The following CAPZA1 variants were observed in gnomAD, a reference collection of about 807,000 sequenced individuals.
The protein encoded by CAPZA1 is capping actin protein of muscle Z-line subunit alpha 1, also known as F-actin-capping protein subunit alpha-1.
In CAPZA1, 10 loss-of-function variants were observed where a neutral mutation model predicts 40.8. The ratio of observed to expected loss-of-function variants is 0.25; its 90% CI spans 0.15 to 0.42. The LOEUF is 0.42. Among genes scored for constraint, CAPZA1 ranks in the 10% least tolerant of loss-of-function variants. The probability of loss-of-function intolerance (pLI) is 1.00; values close to 1 mark genes in which losing one functional copy is unlikely to be tolerated. For missense variants in CAPZA1, 277 were observed against 353.8 expected (o/e 0.78, Z 1.74); for synonymous variants, 98 against 115.0 (o/e 0.85, Z 0.95).
chr1:112,650,220 A>G (rs964503489), intron 3 of CAPZA1, among the ~76,000 whole-genome samples: 2 of 152,230 alleles, frequency 1.3e-5, no homozygotes, highest in Admixed American at 1.3e-4. Flanking sequence ...ACAAATAATT[A>G]TCATAAAGTC....
Position 112,659,057 on chromosome 1 carries a change from T to C in CAPZA1, c.462T>C (p.Ile154=), listed in dbSNP as rs370235693. The C allele has an allele frequency of 6.0e-5, 97 of 1,613,686 alleles. No individual in the cohort carries two copies. The highest frequency in any genetic ancestry group is 7.7e-5 in the Non-Finnish European group (91 of 1,179,700). The change falls in exon 6 of 10, where the codon ATT becomes ATC. Residue 154 remains isoleucine, a synonymous_variant. Transcript: ENST00000263168. The stretch of plus-strand genomic sequence containing the variant: ...AAACTATCGATGGGCAACAGACTAT[T>C]ATTGCATGTATTGAAAGCCACCAGT... ...YAKTIDGQQT[I]IACIESHQFQ...
At chr1:112,638,957 GAT>G (rs1331018509) in intron 1 of CAPZA1, among the ~76,000 whole-genome samples, 1 of 127,034 alleles carries the variant, frequency 7.9e-6, no homozygotes, top group Non-Finnish European at 1.5e-5. Context: ...TAGAGATAGA[GAT>G]ATATATAGAG....
At chr1:112,641,221 AAAAAAAAAT>A (rs1015202134) in intron 1 of CAPZA1, among the ~76,000 whole-genome samples, 6 of 150,424 alleles carry the variant, frequency 4.0e-5, no homozygotes, top group Non-Finnish European at 7.4e-5. Context: ...TGATCAATAA[AAAAAAAAAT>A]AAATAAATAA....
chr1:112,667,013 C>A, intron 7 of CAPZA1, 61 bp from the exon 8 acceptor site: 1 of 1,168,134 alleles, frequency 8.6e-7, no homozygotes, highest in South Asian at 1.3e-5. Context: ...GGATTTGTGT[C>A]CTAAATAACA....
At chr1:112,629,498 A>G (rs550579737) in intron 1 of CAPZA1, among the ~76,000 whole-genome samples, 1 of 152,324 alleles carries the variant, frequency 6.6e-6, no homozygotes, top group Non-Finnish European at 1.5e-5. Context: ...CCTAAAACAT[A>G]GTGGGTCTTC....
chr1:112,665,615 G>A (rs958685996), intron 7 of CAPZA1, among the ~76,000 whole-genome samples: 4 of 152,158 alleles, frequency 2.6e-5, no homozygotes, highest in African/African-American at 9.7e-5. Flanking sequence ...TGACTGGTGA[G>A]TTCTGTTTCT....
intron 1 of CAPZA1, among the ~76,000 whole-genome samples, chr1:112,641,535 C>T (rs1192715797): frequency 6.6e-6 from 1 of 152,064 alleles, no homozygotes; most frequent in Non-Finnish European, 1.5e-5. Flanking sequence ...ACTGTCAGGA[C>T]CCCTTTACAT....
chr1:112,643,257 T>G (rs888467146), intron 1 of CAPZA1, among the ~76,000 whole-genome samples: 4 of 152,240 alleles, frequency 2.6e-5, no homozygotes, highest in Non-Finnish European at 5.9e-5. Flanking sequence ...ATAATTTTCA[T>G]GAGTTGAGCA....
intron 1 of CAPZA1, among the ~76,000 whole-genome samples, chr1:112,646,961 T>C (rs1023948577): frequency 6.6e-6 from 1 of 152,296 alleles, no homozygotes; most frequent in African/African-American, 2.4e-5. Flanking sequence ...AAAACTATTA[T>C]CCTGTTTTTG....
chr1:112,624,014 A>AC (rs1393549619), intron 1 of CAPZA1, among the ~76,000 whole-genome samples: 1 of 145,334 alleles, frequency 6.9e-6, no homozygotes, highest in East Asian at 1.9e-4. Flanking sequence ...TCAAAAAAAA[A>AC]AAAAAAGAAA....
chr1:112,640,096 G>A (rs1671115367), intron 1 of CAPZA1, among the ~76,000 whole-genome samples: 1 of 123,904 alleles, frequency 8.1e-6, no homozygotes, highest in Non-Finnish European at 1.7e-5. Flanking sequence ...TGGGAAGTGA[G>A]GAGCCCCTCT....
chr1:112,625,302 A>C (rs1455959077), intron 1 of CAPZA1, among the ~76,000 whole-genome samples: 1 of 152,144 alleles, frequency 6.6e-6, no homozygotes, highest in African/African-American at 2.4e-5. Context: ...ATGATGGTGT[A>C]TATATATACT....
intron 2 of CAPZA1, among the ~76,000 whole-genome samples, chr1:112,648,232 G>C (rs540006435): frequency 2.0e-5 from 3 of 151,704 alleles, no homozygotes; most frequent in East Asian, 3.9e-4. Flanking sequence ...AAAATTGTTT[G>C]TGGATTTTGA....
At chr1:112,638,937 G>GATATA (rs58803766) in intron 1 of CAPZA1, among the ~76,000 whole-genome samples, 31 of 149,004 alleles carry the variant, frequency 2.1e-4, no homozygotes, top group African/African-American at 7.1e-4. Context: ...TATAGATATA[G>GATATA]GTATAGATAT....
In CAPZA1 at chr1:112,634,515, C is replaced by A. The variant is rs191040055; in HGVS notation, c.40-12695C>A. ...ATTTCTAGAACAAGAGGATTATTTT[C>A]TTTGAAGTAGTAATTTGATAGTAAT... On this transcript the variant is annotated intron_variant, in intron 1 of 9. Coordinates refer to ENST00000263168, the MANE Select transcript of CAPZA1 (RefSeq NM_006135.3). Among the ~76,000 whole-genome samples the A allele has an allele frequency of 8.2e-4, 124 of 152,126 alleles. 1 individual carries two copies. The highest frequency in any genetic ancestry group is 2.9e-3 in the African/African-American group (122 of 41,522).
intron 1 of CAPZA1, among the ~76,000 whole-genome samples, chr1:112,630,067 G>A (rs1007644583): frequency 2.0e-5 from 3 of 152,062 alleles, no homozygotes; most frequent in African/African-American, 7.2e-5. Context: ...TTTTGGGACA[G>A]GGTCTCACTC....
At chr1:112,667,927 G>A (rs1156235846) in intron 8 of CAPZA1, among the ~76,000 whole-genome samples, 1 of 152,046 alleles carries the variant, frequency 6.6e-6, no homozygotes, top group Non-Finnish European at 1.5e-5. Flanking sequence ...AAGTTATTGA[G>A]TACCCCCAAA....
intron 7 of CAPZA1, 53 bp from the exon 8 acceptor site, chr1:112,667,021 A>T: frequency 1.6e-6 from 2 of 1,264,858 alleles, no homozygotes; most frequent in Non-Finnish European, 2.3e-6. Flanking sequence ...GTCCTAAATA[A>T]CAGGTTTCTC....
chr1:112,645,965 T>A (rs1037471534), intron 1 of CAPZA1, among the ~76,000 whole-genome samples: 2 of 148,588 alleles, frequency 1.3e-5, no homozygotes, highest in African/African-American at 2.5e-5. Context: ...CCCTGTCTCT[T>A]AAAAAAAAAA....
Sources: gnomAD v4.1 joint callset for allele counts (sites outside exome capture counted in the v4.1 genomes callset) on GRCh38, gnomAD v4.1.1 for gene constraint, MANE v1.5 for transcripts, NCBI Gene and HGNC (gene_info 2026-07-23, HGNC 2026-07-21) for gene names.